ARHGEF40: variants seen among roughly 807,000 people sequenced by gnomAD.
ARHGEF40 encodes the protein Rho guanine nucleotide exchange factor 40, also known as Rho guanine nucleotide exchange factor (GEF) 40.
ARHGEF40 carries 98 observed loss-of-function variants against 165.9 expected under a neutral mutation model. That is an observed-to-expected ratio of 0.59 (90% CI 0.50 to 0.70). The LOEUF (loss-of-function observed/expected upper bound fraction) is 0.70, where lower values mean the gene tolerates loss of function less well. Ranked by LOEUF, ARHGEF40 falls within the 30% of genes least tolerant of loss-of-function variation. The pLI, the probability that ARHGEF40 is intolerant of heterozygous loss-of-function variation, is 0.00. For synonymous variants in ARHGEF40, 792 were observed against 814.3 expected (o/e 0.97, Z 0.47); for missense variants, 1,815 against 1,968.0 (o/e 0.92, Z 1.47).
At position 21,076,347 on chromosome 14, in the gene ARHGEF40, C is replaced by T. The variant is rs1199836832; in HGVS notation, c.1740-13C>T. The T allele has an allele frequency of 7.4e-6, 12 of 1,611,788 alleles. No homozygotes were observed. Among genetic ancestry groups the T allele is most frequent in the Non-Finnish European group, 1.0e-5 (12 of 1,179,250 alleles). ...ACACACAGCAGCCTCCTTGGCTCTT[C>T]CTGCTCCCGCAGGCCTGATCTACAG... On this transcript the variant is annotated splice_polypyrimidine_tract_variant and intron_variant, in intron 5 of 23. Coordinates refer to ENST00000298694, the MANE Select transcript of ARHGEF40 (RefSeq NM_018071.5).
At chr14:21,076,510 CCAGT>C in intron 6 of ARHGEF40, 49 bp from the exon 7 acceptor site, 1 of 1,612,774 alleles carries the variant, frequency 6.2e-7, no homozygotes, top group East Asian at 2.2e-5. Flanking sequence ...TCACCAGTGG[CCAGT>C]CCAGGACACC....
chr14:21,086,054 G>A (rs1888308226), intron 19 of ARHGEF40, 188 bp downstream of exon 19: 11 of 744,446 alleles, frequency 1.5e-5, no homozygotes, highest in Non-Finnish European at 4.1e-6. Context: ...CAAAAAGAAA[G>A]AGAAAGCTGG....
upstream of ARHGEF40, among the ~76,000 whole-genome samples, chr14:21,069,313 G>T (rs924615715): frequency 6.6e-6 from 1 of 152,126 alleles, no homozygotes; most frequent in East Asian, 1.9e-4. Flanking sequence ...ACCCTGCTTT[G>T]TCTCCTGCGC....
Position 21,076,450 on chromosome 14 carries a change from A to T in ARHGEF40, c.1830A>T (p.Gln610His). Residue 610 changes from glutamine to histidine, a missense_variant, in exon 6 of 24, where the codon CAA becomes CAT. Gln to His is a conservative substitution (Grantham distance 24). Coordinates refer to ENST00000298694, the MANE Select transcript of ARHGEF40 (RefSeq NM_018071.5). ...CAGCACTCATTCCTGCCTTGAGCCA[A>T]CTTCAGGTAACCACCCCTCAAACAG... ...LPPALIPALS[Q>H]LQDSGDPPLV... 1 of 1,614,006 alleles carries T rather than the reference A, an allele frequency of 6.2e-7. No homozygotes were observed. Among genetic ancestry groups the T allele is most frequent in the African/African-American group, 1.3e-5 (1 of 75,036 alleles).
In ARHGEF40 at chr14:21,073,069, G is replaced by A; in HGVS notation, c.28G>A (p.Val10Met). 6.2e-7 allele frequency: 1 copy of A among 1,614,124 alleles called. No individual in the cohort carries two copies. Among genetic ancestry groups the A allele is most frequent in the African/African-American group, 1.3e-5 (1 of 75,036 alleles). The change falls in exon 2 of 24, where the codon GTG (valine) becomes ATG (methionine). Residue 10 changes from valine to methionine, a missense_variant. Val to Met is a conservative substitution (Grantham distance 21, BLOSUM62 1). Coordinates refer to ENST00000298694, the MANE Select transcript of ARHGEF40 (RefSeq NM_018071.5). This position sits in a 1 kb window ranked among gnomAD's most constrained non-coding sequence, Gnocchi z 4.6. ...GGAGCCTGAGCCAGTGGAGGACTGT[G>A]TGCAGAGCACTCTCGCCGCCCTGTA... MEPEPVEDC[V>M]QSTLAALYPP... is the part of the protein sequence containing the mutation.
intron 1 of ARHGEF40, among the ~76,000 whole-genome samples, chr14:21,071,229 ACCAAC>A (rs1287787166): frequency 2.0e-5 from 3 of 152,160 alleles, no homozygotes; most frequent in African/African-American, 4.8e-5. Flanking sequence ...AGAAGCCCAC[ACCAAC>A]AGGAGTGAAC....
chr14:21,088,068 C>G lies in ARHGEF40; in HGVS notation c.4488C>G (p.Ala1496=), dbSNP rs372260993. The G allele has an allele frequency of 1.7e-4, 273 of 1,613,698 alleles. No homozygotes were observed. Among genetic ancestry groups the G allele is most frequent in the Non-Finnish European group, 2.2e-4 (263 of 1,179,870 alleles). Residue 1496 remains alanine, a synonymous_variant, in exon 22 of 24, where the codon GCC becomes GCG. Coordinates refer to ENST00000298694, the MANE Select transcript of ARHGEF40 (RefSeq NM_018071.5). ...PHPGSSTPTL[A]SRGILGLSRQ... is the part of the protein sequence containing the mutation. ...CTGGGAGCAGCACTCCCACCCTGGCCAGTCGAGGGATCTTAGGGCTATCCC... is the reference window on the plus strand; with the variant it reads ...CTGGGAGCAGCACTCCCACCCTGGCGAGTCGAGGGATCTTAGGGCTATCCC...
At chr14:21,086,927 AAAATC>A (rs2139269237) in intron 19 of ARHGEF40, 69 bp from the exon 20 acceptor site, 11 of 1,183,598 alleles carry the variant, frequency 9.3e-6, no homozygotes, top group Middle Eastern at 2.0e-4. Flanking sequence ...AAAAAAGAAA[AAAATC>A]AACCATGACA....
chr14:21,076,379 G>C lies in ARHGEF40; in HGVS notation c.1759G>C (p.Gly587Arg). 1 of 1,613,408 alleles carries C rather than the reference G, an allele frequency of 6.2e-7. No individual in the cohort carries two copies. Among genetic ancestry groups the C allele is most frequent in the Non-Finnish European group, 8.5e-7 (1 of 1,180,026 alleles). ...SLLRPDLQTL[G>R]LSVLLDLRQA... The stretch of plus-strand genomic sequence containing the variant: ...CCGCAGGCCTGATCTACAGACACTG[G>C]GGCTGTCCGTCCTGCTGGACCTTCG... The change falls in exon 6 of 24, where the codon GGG (glycine) becomes CGG (arginine). Residue 587 changes from glycine (G) to arginine (R), a missense_variant. Coordinates refer to ENST00000298694, the MANE Select transcript of ARHGEF40 (RefSeq NM_018071.5).
rs749261082 is a variant in ARHGEF40 at position 21,075,214 on chromosome 14, G to A, written c.1450+34G>A. The A allele has an allele frequency of 6.3e-7, 1 of 1,582,436 alleles. No homozygotes were observed. Among genetic ancestry groups the A allele is most frequent in the Admixed American group, 1.7e-5 (1 of 57,186 alleles). On this transcript the variant is annotated intron_variant, in intron 3 of 23. Transcript: ENST00000298694. This position sits in a 1 kb window ranked among gnomAD's most constrained non-coding sequence, Gnocchi z 4.5. ...ACACGGAGTGAGGCTCATGGGGCAA[G>A]GGCCAAAGCAGGTCGGGCCTATGGG...
rs558801346 is a variant in ARHGEF40 at position 21,072,291 on chromosome 14, C to T, written c.4-754C>T. ...GAATCAGAAAAGATCAGCTCGAATGCGCACCATCAAGGCCTCCTCCTCCCT... is the reference window on the plus strand; with the variant it reads ...GAATCAGAAAAGATCAGCTCGAATGTGCACCATCAAGGCCTCCTCCTCCCT... On this transcript the variant is annotated intron_variant, in intron 1 of 23. Transcript: ENST00000298694. This position sits in a 1 kb window ranked among gnomAD's most constrained non-coding sequence, Gnocchi z 4.1. Among the ~76,000 whole-genome samples, 119 of 152,076 alleles carry T rather than the reference C, an allele frequency of 7.8e-4. 1 individual carries two copies. The highest frequency in any genetic ancestry group is 1.1e-3 in the Non-Finnish European group (78 of 68,006).
Position 21,074,158 on chromosome 14 carries a change from A to T in ARHGEF40, c.428A>T (p.Tyr143Phe), listed in dbSNP as rs762928562. 6.2e-7 allele frequency: 1 copy of T among 1,614,032 alleles called. No homozygotes were observed. Among genetic ancestry groups the T allele is most frequent in the South Asian group, 1.1e-5 (1 of 91,078 alleles). ...EVPVPNEACA[Y>F]LFTPEWLQGI... is the part of the protein sequence containing the mutation. ...CCTGTGCCCAATGAGGCTTGTGCCTACCTATTCACACCTGAGTGGCTACAA... is the reference window on the plus strand; with the variant it reads ...CCTGTGCCCAATGAGGCTTGTGCCTTCCTATTCACACCTGAGTGGCTACAA... Residue 143 changes from tyrosine (Y) to phenylalanine (F), a missense_variant, in exon 3 of 24, where the codon TAC becomes TTC. Tyr to Phe is a conservative substitution (Grantham distance 22, BLOSUM62 3). Transcript: ENST00000298694. The surrounding 1 kb of genome is among the most constrained non-coding windows in gnomAD (Gnocchi z 4.8).
In ARHGEF40 at chr14:21,080,998, A is replaced by G. The variant is rs780344341; in HGVS notation, c.2622A>G (p.Leu874=). 5.0e-6 allele frequency: 8 copies of G among 1,613,388 alleles called. No individual in the cohort carries two copies. The highest frequency in any genetic ancestry group is 2.7e-5 in the African/African-American group (2 of 74,912). ...VESGLHRALR[L]QRFFQQAHEW... is the part of the protein sequence containing the mutation. ...GTGGCCTCCATCGGGCCCTGCGGCT[A>G]CAGCGCTTCTTCCAGCAGGTGCATG... Residue 874 remains leucine, a synonymous_variant, in exon 13 of 24, where the codon CTA becomes CTG. Coordinates refer to ENST00000298694, the MANE Select transcript of ARHGEF40 (RefSeq NM_018071.5).
chr14:21,086,252 C>T, intron 19 of ARHGEF40: 1 of 215,040 alleles, frequency 4.7e-6, no homozygotes, highest in Non-Finnish European at 9.5e-6. Flanking sequence ...TAGTACGCAC[C>T]TATAGTCCTA....
In ARHGEF40 at chr14:21,076,450, A is replaced by C. The variant is rs764002064; in HGVS notation, c.1830A>C (p.Gln610His). 9.9e-6 allele frequency: 16 copies of C among 1,613,886 alleles called. No homozygotes were observed. In the African/African-American group the frequency reaches 2.1e-4, roughly 22 times the overall value. Residue 610 changes from glutamine (Q) to histidine (H), a missense_variant, in exon 6 of 24, where the codon CAA (glutamine) becomes CAC (histidine). Gln to His is a conservative substitution (Grantham distance 24). Coordinates refer to ENST00000298694, the MANE Select transcript of ARHGEF40 (RefSeq NM_018071.5). ...LPPALIPALS[Q>H]LQDSGDPPLV... The stretch of plus-strand genomic sequence containing the variant: ...CAGCACTCATTCCTGCCTTGAGCCA[A>C]CTTCAGGTAACCACCCCTCAAACAG...
chr14:21,075,905 C>CTT lies in ARHGEF40; in HGVS notation c.1739+142_1739+143dup. On this transcript the variant is annotated intron_variant, in intron 5 of 23. Coordinates refer to ENST00000298694, the MANE Select transcript of ARHGEF40 (RefSeq NM_018071.5). This position sits in a 1 kb window ranked among gnomAD's most constrained non-coding sequence, Gnocchi z 4.5. ...AACCTTCAGACTTCAAGCCATTGAC[C>CTT]TTTGGCCTTACTTACCCTGACCTCC... The CTT allele has an allele frequency of 8.8e-7, 1 of 1,135,250 alleles. No individual in the cohort carries two copies. Among genetic ancestry groups the CTT allele is most frequent in the South Asian group, 1.6e-5 (1 of 62,008 alleles). The allele number at this position is 1,135,250 out of a possible 1,614,324, so 70.3% of individuals were successfully genotyped here.
rs1887243030 is a variant in ARHGEF40 at position 21,074,554 on chromosome 14, A to G, written c.824A>G (p.Lys275Arg). The change falls in exon 3 of 24, where the codon AAG (lysine) becomes AGG (arginine). Residue 275 changes from lysine to arginine, a missense_variant. Lys to Arg is a conservative substitution (Grantham distance 26). Coordinates refer to ENST00000298694, the MANE Select transcript of ARHGEF40 (RefSeq NM_018071.5). This position sits in a 1 kb window ranked among gnomAD's most constrained non-coding sequence, Gnocchi z 4.8. Reference protein sequence around the residue: ...LSRVRTVPTRKGAGGKGRHRR... With the variant: ...LSRVRTVPTRRGAGGKGRHRR... ...AGAGTCCGGACGGTACCCACCCGCA[A>G]GGGCGCTGGAGGGAAGGGCCGCCAC... 6.5e-7 allele frequency: 1 copy of G among 1,549,342 alleles called. No individual in the cohort carries two copies. Among genetic ancestry groups the G allele is most frequent in the Non-Finnish European group, 8.7e-7 (1 of 1,147,804 alleles).
At position 21,074,692 on chromosome 14, in the gene ARHGEF40, G is replaced by A; in HGVS notation, c.962G>A (p.Gly321Glu). Residue 321 changes from glycine to glutamate, a missense_variant, in exon 3 of 24, where the codon GGA (glycine) becomes GAA (glutamate). By Grantham distance (98) the Gly-to-Glu change is moderately conservative (BLOSUM62 -2). Transcript: ENST00000298694. The surrounding 1 kb of genome is among the most constrained non-coding windows in gnomAD (Gnocchi z 4.8). The part of the protein sequence containing the change: ...STGASPESPP[G>E]AEAVPEAAVL... ...GGAGCCTCCCCTGAGTCTCCCCCAGGAGCTGAGGCTGTCCCAGAGGCAGCA... is the reference window on the plus strand; with the variant it reads ...GGAGCCTCCCCTGAGTCTCCCCCAGAAGCTGAGGCTGTCCCAGAGGCAGCA... The A allele has an allele frequency of 6.3e-7, 1 of 1,585,426 alleles. No homozygotes were observed. Among genetic ancestry groups the A allele is most frequent in the Non-Finnish European group, 8.6e-7 (1 of 1,167,018 alleles).
intron 16 of ARHGEF40, among the ~76,000 whole-genome samples, chr14:21,083,419 G>A (rs1379508387): frequency 2.0e-5 from 3 of 151,894 alleles, no homozygotes; most frequent in East Asian, 1.9e-4. Flanking sequence ...GCGTGGTGGC[G>A]GGCACCTGTA....
Sources: gnomAD v4.1 joint callset for allele counts (sites outside exome capture counted in the v4.1 genomes callset) on GRCh38, gnomAD v4.1.1 for gene constraint, Gnocchi (gnomAD v3.1) non-coding constraint, MANE v1.5 for transcripts, NCBI Gene and HGNC (gene_info 2026-07-23, HGNC 2026-07-21) for gene names.